The following DLGAP5 variants were observed in gnomAD, a reference collection of about 807,000 sequenced individuals.
The protein encoded by DLGAP5 is DLG associated protein 5, also known as disks large-associated protein 5.
A neutral mutation model predicts 99.6 loss-of-function variants in DLGAP5; 90 were observed. That is an observed-to-expected ratio of 0.90 (90% CI 0.76 to 1.08). The LOEUF is 1.08. Among genes scored for constraint, DLGAP5 ranks in the 50% least tolerant of loss-of-function variants. DLGAP5 has a pLI of 0.00. For synonymous variants in DLGAP5, 311 were observed against 321.3 expected (o/e 0.97, Z 0.34); for missense variants, 1,036 against 983.5 (o/e 1.05, Z -0.71).
In DLGAP5 at chr14:55,169,616, A is replaced by C. The variant is rs146573961; in HGVS notation, c.1388-57T>G. ...AGGACAAAACGGGACATTCATTGCA[A>C]GTCAGCCCACTGATAAGACTTCACT... On this transcript the variant is annotated intron_variant, in intron 11 of 18. Transcript: ENST00000247191. The C allele has an allele frequency of 3.9e-4, 554 of 1,413,150 alleles. 3 individuals are homozygous for C. In the African/African-American group the frequency reaches 7.2e-3, roughly 18 times the overall value. 87.5% of individuals were successfully genotyped at this position (1,413,150 alleles called of 1,614,324 possible).
chr14:55,163,892 G>A (rs72718804), intron 12 of DLGAP5, among the ~76,000 whole-genome samples: 54,155 of 151,786 alleles, frequency 0.36, 10,184 homozygotes, highest in Non-Finnish European at 0.41. Flanking sequence ...CTTCTTGCTG[G>A]GTTTTAAGAG....
chr14:55,179,568 T>G, intron 7 of DLGAP5, 61 bp downstream of exon 7: 2 of 1,423,168 alleles, frequency 1.4e-6, no homozygotes, highest in Non-Finnish European at 1.9e-6. Flanking sequence ...AATTTCAACT[T>G]TATGAAAGTA....
Position 55,160,887 on chromosome 14 carries a change from T to G in DLGAP5, c.1653+2084A>C, listed in dbSNP as rs535651652. 4.6e-5 allele frequency among the ~76,000 whole-genome samples: 7 copies of G among 152,262 alleles called. No individual in the cohort carries two copies. In the South Asian group the frequency reaches 1.2e-3, roughly 27 times the overall value. On this transcript the variant is annotated intron_variant, in intron 13 of 18. Transcript: ENST00000247191. ...ATAAAGGAACAAAAATAATAGAGTA[T>G]AGAAAACATTTTAGGATGCTTGTCA... is the stretch of plus-strand genomic sequence containing the variant.
chr14:55,180,750 C>G lies in DLGAP5; in HGVS notation c.609G>C (p.Leu203Phe). The G allele has an allele frequency of 1.9e-6, 3 of 1,613,994 alleles. No homozygotes were observed. Among genetic ancestry groups the G allele is most frequent in the Non-Finnish European group, 2.5e-6 (3 of 1,179,992 alleles). Reference sequence around the variant, plus strand: ...CTTGAGTAGCTGATCGAGTCATTCTCAACGACGTGGGCATTACAGGCTGCA... The same window carrying G: ...CTTGAGTAGCTGATCGAGTCATTCTGAACGACGTGGGCATTACAGGCTGCA... Reference protein sequence around the residue: ...KVVQPVMPTSLRMTRSATQAA... With the variant: ...KVVQPVMPTSFRMTRSATQAA... The change falls in exon 6 of 19, where the codon TTG becomes TTC. Residue 203 changes from leucine to phenylalanine, a missense_variant. Transcript: ENST00000247191.
chr14:55,175,878 TAATTA>T lies in DLGAP5; in HGVS notation c.1174+11_1174+15del, dbSNP rs1230250394. ...ACATTATTCTAAAAAATGAATAAAT[TAATTA>T]AATACTATACCTTCATGCCAAACAG... is the stretch of plus-strand genomic sequence containing the variant. On this transcript the variant is annotated intron_variant, in intron 9 of 18. Transcript: ENST00000247191. The T allele has an allele frequency of 1.3e-6, 2 of 1,534,460 alleles. No individual in the cohort carries two copies. The highest frequency in any genetic ancestry group is 1.4e-5 in the African/African-American group (1 of 72,028).
At position 55,150,820 on chromosome 14, in the gene DLGAP5, A is replaced by G. The variant is rs1881988237; in HGVS notation, c.2397T>C (p.Thr799=). ...SELFDNKSLT[T]ECHLLDSPGL... ...TTACTGAATCAAGAAGGTGGCATTC[A>G]GTAGTGAGACTTTTATTATCAAATA... Residue 799 remains threonine (T), a synonymous_variant, in exon 18 of 19, where the codon ACT becomes ACC. Coordinates refer to ENST00000247191, the MANE Select transcript of DLGAP5 (RefSeq NM_014750.5). 11 of 1,580,576 alleles carry G rather than the reference A, an allele frequency of 7.0e-6. No individual in the cohort carries two copies. The highest frequency in any genetic ancestry group is 9.4e-6 in the Non-Finnish European group (11 of 1,170,076).
At chr14:55,150,504 T>A (rs1881980297) in intron 18 of DLGAP5, 2 of 190,364 alleles carry the variant, frequency 1.1e-5, no homozygotes, top group African/African-American at 4.7e-5. Flanking sequence ...CTTTGCCTTA[T>A]ATTTTTCTTG....
rs1882300978 is a variant in DLGAP5 at position 55,158,695 on chromosome 14, G to A, written c.1700C>T (p.Ala567Val). Reference sequence around the variant, plus strand: ...GCGATTTCTCGCTGCAATTCTTCCAGCATCATCCTGTTTTGGTTTACTTGC... The same window carrying A: ...GCGATTTCTCGCTGCAATTCTTCCAACATCATCCTGTTTTGGTTTACTTGC... ...GIASKPKQDDAGRIAARNRLA... is the reference protein window; with the variant it reads ...GIASKPKQDDVGRIAARNRLA... The change falls in exon 14 of 19, where the codon GCT becomes GTT. Residue 567 changes from alanine (A) to valine (V), a missense_variant. Physicochemically the swap from Ala to Val is moderately conservative, Grantham distance 64. Coordinates refer to ENST00000247191, the MANE Select transcript of DLGAP5 (RefSeq NM_014750.5). The A allele has an allele frequency of 6.2e-7, 1 of 1,613,942 alleles. No homozygotes were observed. Among genetic ancestry groups the A allele is most frequent in the East Asian group, 2.2e-5 (1 of 44,864 alleles).
At chr14:55,177,406 G>A in intron 7 of DLGAP5, 70 bp from the exon 8 acceptor site, 2 of 1,385,606 alleles carry the variant, frequency 1.4e-6, no homozygotes, top group South Asian at 1.5e-5. Flanking sequence ...AATTTTTATA[G>A]GTCTGAAAAT....
chr14:55,175,208 A>C (rs1363069249), intron 10 of DLGAP5, 138 bp downstream of exon 10: 1 of 718,940 alleles, frequency 1.4e-6, no homozygotes, highest in African/African-American at 1.9e-5. Flanking sequence ...AGTTATCAAA[A>C]AAATAATTAA....
chr14:55,154,038 AGAGT>A (rs1364824653), intron 15 of DLGAP5, among the ~76,000 whole-genome samples: 1 of 152,206 alleles, frequency 6.6e-6, no homozygotes, highest in African/African-American at 2.4e-5. Flanking sequence ...CCTAGGCAAC[AGAGT>A]GAGACTCCAC....
intron 2 of DLGAP5, among the ~76,000 whole-genome samples, chr14:55,186,083 C>T (rs1399197215): frequency 6.6e-6 from 1 of 152,080 alleles, no homozygotes; most frequent in Non-Finnish European, 1.5e-5. Context: ...CCAGCCTGAC[C>T]AACATGGAGA....
Position 55,183,564 on chromosome 14 carries a change from T to C in DLGAP5, c.428A>G (p.Lys143Arg). The change falls in exon 3 of 19, where the codon AAA becomes AGA. Residue 143 changes from lysine to arginine, a missense_variant. Physicochemically the swap from Lys to Arg is conservative, Grantham distance 26. Coordinates refer to ENST00000247191, the MANE Select transcript of DLGAP5 (RefSeq NM_014750.5). ...SNQNAVKAEP[K>R]KAIPSSVRIT... is the part of the protein sequence containing the mutation. The stretch of plus-strand genomic sequence containing the variant: ...ATATTAAGACACTAAATTTACCTTT[T>C]TTGGCTCAGCTTTCACAGCATTCTG... The C allele has an allele frequency of 1.9e-6, 3 of 1,550,118 alleles. No homozygotes were observed. The highest frequency in any genetic ancestry group is 2.6e-6 in the Non-Finnish European group (3 of 1,155,836).
chr14:55,153,490 G>A (rs1594661981), intron 15 of DLGAP5, among the ~76,000 whole-genome samples: 2 of 150,684 alleles, frequency 1.3e-5, no homozygotes, highest in African/African-American at 4.9e-5. Flanking sequence ...GCAGTGAGCC[G>A]AGGTAGTGCC....
chr14:55,179,809 T>A (rs1883218080), intron 6 of DLGAP5, 110 bp from the exon 7 acceptor site: 1 of 818,332 alleles, frequency 1.2e-6, no homozygotes, highest in South Asian at 1.9e-5. Context: ...TCTTGAAGGA[T>A]TTTTTTATTA....
chr14:55,173,515 TTCTCA>T (rs1254272065), intron 10 of DLGAP5, among the ~76,000 whole-genome samples: 1 of 152,148 alleles, frequency 6.6e-6, no homozygotes, highest in Non-Finnish European at 1.5e-5. Context: ...AGATACTTAC[TTCTCA>T]TCTATTTGAT....
Position 55,183,682 on chromosome 14 carries a change from G to A in DLGAP5, c.310C>T (p.Gln104Ter). The A allele has an allele frequency of 6.2e-7, 1 of 1,611,836 alleles. No homozygotes were observed. The highest frequency in any genetic ancestry group is 1.1e-5 in the South Asian group (1 of 90,598). Residue 104 changes from glutamine to a stop codon, truncating the protein, a stop_gained, in exon 3 of 19, where the codon CAA becomes TAA. Transcript: ENST00000247191. LOFTEE classifies it high-confidence loss of function. Reference sequence around the variant, plus strand: ...TTCTCTCTCTGCTCTTTCAATTTTTGAAGTTGCTTTTCTTCTTTGTATTTT... The same window carrying A: ...TTCTCTCTCTGCTCTTTCAATTTTTAAAGTTGCTTTTCTTCTTTGTATTTT... ...LQKYKEEKQL[Q>*]KLKEQREKAK...
rs1881899109 is a variant in DLGAP5, at chr14:55,148,471, T to C, written c.2421A>G (p.Pro807=). The change falls in exon 19 of 19, where the codon CCA becomes CCG. Residue 807 remains proline, a splice_region_variant and synonymous_variant. Transcript: ENST00000247191. ...TAAATGGATTACTGCAGTTTAGACCTGGCTGGAGAACAAATCCAGAGAAGT... is the reference window on the plus strand; with the variant it reads ...TAAATGGATTACTGCAGTTTAGACCCGGCTGGAGAACAAATCCAGAGAAGT... ...LTTECHLLDS[P]GLNCSNPFTQ... The C allele has an allele frequency of 6.2e-7, 1 of 1,613,920 alleles. No individual in the cohort carries two copies. Among genetic ancestry groups the C allele is most frequent in the Non-Finnish European group, 8.5e-7 (1 of 1,179,942 alleles).
At chr14:55,173,605 A>C (rs2340933) in intron 10 of DLGAP5, among the ~76,000 whole-genome samples, 19,552 of 121,382 alleles carry the variant, frequency 0.16, 1,402 homozygotes, top group African/African-American at 0.21. Context: ...CTCTCTCTCT[A>C]TATATATATA....
Sources: gnomAD v4.1 joint callset for allele counts (sites outside exome capture counted in the v4.1 genomes callset) on GRCh38, gnomAD v4.1.1 for gene constraint, MANE v1.5 for transcripts, NCBI Gene and HGNC (gene_info 2026-07-23, HGNC 2026-07-21) for gene names.